The following PDE6C variants were observed in gnomAD, a reference collection of about 807,000 sequenced individuals.
PDE6C encodes cone cGMP-specific 3',5'-cyclic phosphodiesterase subunit alpha'.
A neutral mutation model predicts 113.1 loss-of-function variants in PDE6C; 75 were observed. The observed-to-expected ratio is 0.66, with a 90% CI of 0.55 to 0.80. PDE6C has a LOEUF of 0.80. Among genes scored for constraint, PDE6C ranks in the 30% least tolerant of loss-of-function variants. The pLI is 0.00. For missense variants in PDE6C, 912 were observed against 1,038.6 expected (o/e 0.88, Z 1.67); for synonymous variants, 375 against 363.7 (o/e 1.03, Z -0.35).
intron 16 of PDE6C, among the ~76,000 whole-genome samples, chr10:93,657,137 T>G (rs2058641417): frequency 6.6e-6 from 1 of 151,652 alleles, no homozygotes; most frequent in South Asian, 2.1e-4. Flanking sequence ...TTTTATATGG[T>G]ATTGTTGTGT....
chr10:93,640,186 TGTG>T lies in PDE6C; in HGVS notation c.1604_1606del (p.Val535del). ...GAATACGACTGTTTTTTGAAATAAA[TGTG>T]GTGGAGAAATTCAAAGTACCTGTAG... On this transcript the variant is annotated inframe_deletion, in exon 12 of 22. Transcript: ENST00000371447. The T allele has an allele frequency of 6.2e-7, 1 of 1,613,532 alleles. No individual in the cohort carries two copies. Among genetic ancestry groups the T allele is most frequent in the Non-Finnish European group, 8.5e-7 (1 of 1,179,458 alleles).
chr10:93,630,732 G>A (rs560437458), intron 8 of PDE6C, among the ~76,000 whole-genome samples: 1 of 152,246 alleles, frequency 6.6e-6, no homozygotes, highest in South Asian at 2.1e-4. Flanking sequence ...AGGCTGCAGC[G>A]TGCCTCCTTA....
chr10:93,622,851 C>T (rs1449508659), intron 4 of PDE6C, among the ~76,000 whole-genome samples: 2 of 151,984 alleles, frequency 1.3e-5, no homozygotes, highest in African/African-American at 4.8e-5. Flanking sequence ...CACTGTATGG[C>T]AGGTTTGTGT....
rs1027818359 is a variant in PDE6C, at chr10:93,659,025, G to T, written c.2144+17G>T. 2.2e-5 allele frequency: 34 copies of T among 1,574,276 alleles called. No individual in the cohort carries two copies. The highest frequency in any genetic ancestry group is 2.7e-5 in the African/African-American group (2 of 73,998). ...GATTATCATGTAGGTAGTTGAAATT[G>T]TATTTCTCTCTTGTTTTTTGTAAAA... On this transcript the variant is annotated intron_variant, in intron 17 of 21. Transcript: ENST00000371447.
chr10:93,627,595 G>A (rs1170427422), intron 7 of PDE6C, among the ~76,000 whole-genome samples: 1 of 151,994 alleles, frequency 6.6e-6, no homozygotes, highest in Non-Finnish European at 1.5e-5. Flanking sequence ...TAAAAGCTTG[G>A]GCCTCTAAGG....
intron 1 of PDE6C, among the ~76,000 whole-genome samples, chr10:93,619,508 C>T (rs1372269378): frequency 2.0e-5 from 3 of 152,166 alleles, no homozygotes; most frequent in Admixed American, 2.0e-4. Flanking sequence ...CTTACTGCAA[C>T]CTCTGTCTCC....
At chr10:93,622,176 G>T in intron 4 of PDE6C, 104 bp downstream of exon 4, 1 of 1,151,852 alleles carries the variant, frequency 8.7e-7, no homozygotes, top group Admixed American at 1.7e-5. Context: ...TAAATAATTA[G>T]TCATGATTGA....
intron 7 of PDE6C, among the ~76,000 whole-genome samples, chr10:93,627,258 C>CAAAAAAAA (rs57142181): frequency 7.1e-4 from 37 of 52,470 alleles, no homozygotes; most frequent in South Asian, 3.3e-3. Flanking sequence ...TGAAACTCCA[C>CAAAAAAAA]AAAAAAAAAA....
intron 14 of PDE6C, among the ~76,000 whole-genome samples, chr10:93,643,007 A>G (rs960955228): frequency 2.0e-5 from 3 of 152,166 alleles, no homozygotes; most frequent in African/African-American, 7.2e-5. Flanking sequence ...GATCAGTAGT[A>G]TACTAGCCAA....
chr10:93,618,967 G>A (rs2058432890), intron 1 of PDE6C, among the ~76,000 whole-genome samples: 1 of 152,150 alleles, frequency 6.6e-6, no homozygotes, highest in African/African-American at 2.4e-5. Flanking sequence ...ATACAACTGT[G>A]GAAGGAATAC....
intron 12 of PDE6C, 67 bp from the exon 13 acceptor site, chr10:93,640,383 G>A: frequency 7.5e-7 from 1 of 1,328,370 alleles, no homozygotes; most frequent in South Asian, 1.2e-5. Flanking sequence ...TTTTAGATAA[G>A]ATTGCCACAG....
chr10:93,633,474 A>T (rs202187523), intron 8 of PDE6C, among the ~76,000 whole-genome samples: 21 of 130,594 alleles, frequency 1.6e-4, no homozygotes, highest in East Asian at 4.9e-4. Context: ...TCAAAAAAAA[A>T]AAAAAATAAA....
At chr10:93,630,367 G>A (rs1268985688) in intron 8 of PDE6C, among the ~76,000 whole-genome samples, 1 of 127,604 alleles carries the variant, frequency 7.8e-6, no homozygotes, top group Admixed American at 9.1e-5. Flanking sequence ...GGGCCAGCCT[G>A]TCATCTTCAC....
intron 8 of PDE6C, among the ~76,000 whole-genome samples, chr10:93,630,247 T>C (rs2058494196): frequency 6.6e-6 from 1 of 152,196 alleles, no homozygotes. Flanking sequence ...AGCTTCTGTA[T>C]GTGCTACTCT....
At chr10:93,663,955 A>G (rs2058678305) in intron 21 of PDE6C, among the ~76,000 whole-genome samples, 1 of 152,184 alleles carries the variant, frequency 6.6e-6, no homozygotes, top group Non-Finnish European at 1.5e-5. Context: ...AGGCCCTGAC[A>G]TGTTCCTTTT....
At position 93,613,004 on chromosome 10, in the gene PDE6C, T is replaced by G. The variant is rs138308024; in HGVS notation, c.279T>G (p.Ala93=). The G allele has an allele frequency of 9.3e-6, 15 of 1,614,032 alleles. No individual in the cohort carries two copies. In the African/African-American group the frequency reaches 1.5e-4, roughly 16 times the overall value. The change falls in exon 1 of 22, where the codon GCT becomes GCG. Residue 93 remains alanine (A), a synonymous_variant. Transcript: ENST00000371447. ...AGAGGCTGGCCCACCTGCTCCAGGC[T>G]GACCGCTGCAGCATGTTCCTGTGCC... is the stretch of plus-strand genomic sequence containing the variant. ...ALQRLAHLLQ[A]DRCSMFLCRS...
At chr10:93,648,361 T>G (rs1296549589) in intron 15 of PDE6C, among the ~76,000 whole-genome samples, 1 of 152,192 alleles carries the variant, frequency 6.6e-6, no homozygotes, top group Non-Finnish European at 1.5e-5. Context: ...CGCTAGGCAA[T>G]GCAGTCACAC....
At chr10:93,658,312 T>C (rs1257309810) in intron 16 of PDE6C, among the ~76,000 whole-genome samples, 2 of 151,626 alleles carry the variant, frequency 1.3e-5, no homozygotes, top group Non-Finnish European at 2.9e-5. Flanking sequence ...TGAGATAATA[T>C]CTTATTGTTC....
chr10:93,646,732 G>A (rs1432799333), intron 15 of PDE6C, among the ~76,000 whole-genome samples: 2 of 152,164 alleles, frequency 1.3e-5, no homozygotes, highest in African/African-American at 4.8e-5. Context: ...TCATGACCAA[G>A]GAGGATGGGG....
Sources: gnomAD v4.1 joint callset for allele counts (sites outside exome capture counted in the v4.1 genomes callset) on GRCh38, gnomAD v4.1.1 for gene constraint, MANE v1.5 for transcripts, NCBI Gene and HGNC (gene_info 2026-07-23, HGNC 2026-07-21) for gene names.